ST8SIA6: variants seen among roughly 807,000 people sequenced by gnomAD.
The protein encoded by ST8SIA6 is ST8 alpha-N-acetyl-neuraminide alpha-2,8-sialyltransferase 6, also known as alpha-2,8-sialyltransferase 8F.
Under a neutral mutation model 33.6 loss-of-function variants are expected in ST8SIA6, and 39 were observed. The observed-to-expected ratio is 1.16, with a 90% CI of 0.90 to 1.52. The LOEUF is 1.52. Ranked by LOEUF, ST8SIA6 falls within the 40% of genes most tolerant of loss-of-function variation. The probability of loss-of-function intolerance (pLI) is 0.00; values close to 1 mark genes in which losing one functional copy is unlikely to be tolerated. For missense variants in ST8SIA6, 441 were observed against 443.8 expected (o/e 0.99, Z 0.06); for synonymous variants, 172 against 167.2 (o/e 1.03, Z -0.22).
At chr10:17,390,799 G>GAAAAAAA (rs60135551) in intron 2 of ST8SIA6, among the ~76,000 whole-genome samples, 179 bp from the exon 3 acceptor site, 49 of 139,368 alleles carry the variant, frequency 3.5e-4, no homozygotes, top group South Asian at 1.5e-3. Flanking sequence ...GGGTCTAAAT[G>GAAAAAAA]AAAAAAAAAA....
chr10:17,370,229 C>T (rs539453008), intron 3 of ST8SIA6, among the ~76,000 whole-genome samples: 9 of 152,240 alleles, frequency 5.9e-5, no homozygotes, highest in Admixed American at 2.0e-4. Flanking sequence ...GTGATCCGTC[C>T]GTCTCGGCCT....
chr10:17,371,173 CA>C (rs1161687569), intron 3 of ST8SIA6, among the ~76,000 whole-genome samples: 2 of 152,144 alleles, frequency 1.3e-5, no homozygotes, highest in African/African-American at 2.4e-5. Context: ...ACAGGATAGA[CA>C]CGTCATTAAC....
At chr10:17,400,552 A>G (rs1339916015) in intron 2 of ST8SIA6, among the ~76,000 whole-genome samples, 1 of 152,170 alleles carries the variant, frequency 6.6e-6, no homozygotes, top group East Asian at 1.9e-4. Context: ...CTGGCAAACC[A>G]AATCCAGCAC....
intron 2 of ST8SIA6, among the ~76,000 whole-genome samples, chr10:17,396,133 C>G (rs780127220): frequency 2.0e-5 from 3 of 152,156 alleles, no homozygotes; most frequent in Non-Finnish European, 4.4e-5. Context: ...AATCTCTGTT[C>G]ACATGTCACT....
chr10:17,364,667 A>G (rs762499331), intron 3 of ST8SIA6, among the ~76,000 whole-genome samples: 1 of 152,212 alleles, frequency 6.6e-6, no homozygotes, highest in Non-Finnish European at 1.5e-5. Context: ...TCACAATTAT[A>G]AAATGGAAGC....
chr10:17,328,071 T>A (rs927892459), intron 5 of ST8SIA6, among the ~76,000 whole-genome samples: 1 of 151,946 alleles, frequency 6.6e-6, no homozygotes, highest in Non-Finnish European at 1.5e-5. Context: ...AGGAAAAAAA[T>A]TAGAATGGCA....
intron 3 of ST8SIA6, among the ~76,000 whole-genome samples, chr10:17,374,764 T>TATATATATACACAC (rs1441288579): frequency 7.9e-6 from 1 of 126,848 alleles, no homozygotes; most frequent in African/African-American, 3.0e-5. Context: ...TATATATATA[T>TATATATATACACAC]ATATTTAGCT....
chr10:17,410,275 A>G (rs1393854809), intron 2 of ST8SIA6: 2 of 152,252 alleles, frequency 1.3e-5, no homozygotes, highest in East Asian at 3.8e-4. Flanking sequence ...GTATGTCACA[A>G]TAAAGTATAA....
chr10:17,380,777 A>C (rs115222447), intron 3 of ST8SIA6, among the ~76,000 whole-genome samples: 1 of 137,798 alleles, frequency 7.3e-6, no homozygotes. Context: ...GTATGTGTTC[A>C]TGTTTGTGTG....
chr10:17,321,924 C>T lies in ST8SIA6; in HGVS notation c.729-578G>A, dbSNP rs113471018. Among the ~76,000 whole-genome samples the T allele has an allele frequency of 4.0e-3, 602 of 152,012 alleles. 1 individual carries two copies. Among genetic ancestry groups the T allele is most frequent in the Non-Finnish European group, 5.9e-3 (400 of 67,968 alleles). On this transcript the variant is annotated intron_variant, in intron 7 of 7. Coordinates refer to ENST00000377602, the MANE Select transcript of ST8SIA6 (RefSeq NM_001004470.3). ...CAGCCTGGGTAACACAGTGAGACCCCGCCCCACATCTCTATAAAAAATAAA... is the reference window on the plus strand; with the variant it reads ...CAGCCTGGGTAACACAGTGAGACCCTGCCCCACATCTCTATAAAAAATAAA...
intron 3 of ST8SIA6, among the ~76,000 whole-genome samples, chr10:17,382,545 C>T (rs1312483568): frequency 6.6e-6 from 1 of 152,164 alleles, no homozygotes; most frequent in Non-Finnish European, 1.5e-5. Context: ...GGATTACAGG[C>T]GTGAGCCACC....
chr10:17,449,336 A>C (rs1416245273), intron 2 of ST8SIA6, among the ~76,000 whole-genome samples: 1 of 152,220 alleles, frequency 6.6e-6, no homozygotes, highest in Non-Finnish European at 1.5e-5. Context: ...AAGAAAGCCA[A>C]TGAAAAACTT....
chr10:17,318,931 A>C lies in ST8SIA6; in HGVS notation c.*1947T>G, dbSNP rs1246349064. 6.6e-6 allele frequency among the ~76,000 whole-genome samples: 1 copy of C among 152,162 alleles called. No homozygotes were observed. Among genetic ancestry groups the C allele is most frequent in the Non-Finnish European group, 1.5e-5 (1 of 68,030 alleles). ...CAGCAGGATATATGGAAGGTGGGATATATGCCCTACCAGGAAGAAAATGTT... is the reference window on the plus strand; with the variant it reads ...CAGCAGGATATATGGAAGGTGGGATCTATGCCCTACCAGGAAGAAAATGTT... On this transcript the variant is annotated 3_prime_UTR_variant, in exon 8 of 8. Transcript: ENST00000377602.
chr10:17,433,246 G>C (rs1364931473), intron 2 of ST8SIA6, among the ~76,000 whole-genome samples: 1 of 152,042 alleles, frequency 6.6e-6, no homozygotes, highest in Admixed American at 6.6e-5. Flanking sequence ...TTTTATATCA[G>C]CTTGTTAAAC....
chr10:17,430,854 T>G (rs1852081849), intron 2 of ST8SIA6, among the ~76,000 whole-genome samples: 2 of 152,178 alleles, frequency 1.3e-5, no homozygotes, highest in South Asian at 4.1e-4. Context: ...CTCTGCTGAT[T>G]ATTCCTTTTA....
At chr10:17,416,760 C>T (rs1237151216) in intron 2 of ST8SIA6, among the ~76,000 whole-genome samples, 2 of 152,204 alleles carry the variant, frequency 1.3e-5, no homozygotes, top group Non-Finnish European at 2.9e-5. Context: ...GCCTGACTGC[C>T]ACACATTCTC....
At chr10:17,412,953 A>T (rs997382944) in intron 2 of ST8SIA6, among the ~76,000 whole-genome samples, 2 of 152,210 alleles carry the variant, frequency 1.3e-5, no homozygotes, top group Non-Finnish European at 2.9e-5. Context: ...CTCCAAAACT[A>T]TGTACATTAT....
chr10:17,447,024 CAAAAAA>C (rs566049678), intron 2 of ST8SIA6, among the ~76,000 whole-genome samples: 29 of 63,372 alleles, frequency 4.6e-4, no homozygotes, highest in African/African-American at 1.6e-3. Flanking sequence ...GACTCTGTCT[CAAAAAA>C]AAAAAAAAAA....
chr10:17,408,921 A>G (rs372812205), intron 2 of ST8SIA6, among the ~76,000 whole-genome samples: 1 of 149,290 alleles, frequency 6.7e-6, no homozygotes, highest in East Asian at 2.0e-4. Flanking sequence ...ATGCCTGGCT[A>G]ATTTTATTTT....
Sources: gnomAD v4.1 joint callset for allele counts (sites outside exome capture counted in the v4.1 genomes callset) on GRCh38, gnomAD v4.1.1 for gene constraint, MANE v1.5 for transcripts, NCBI Gene and HGNC (gene_info 2026-07-23, HGNC 2026-07-21) for gene names.